HMG20A: variants seen among roughly 807,000 people sequenced by gnomAD.
HMG20A encodes the protein high mobility group protein 20A.
In HMG20A, 17 loss-of-function variants were observed where a neutral mutation model predicts 43.9. The ratio of observed to expected loss-of-function variants is 0.39; its 90% CI spans 0.27 to 0.58. The LOEUF is 0.58. Ranked by LOEUF, HMG20A falls within the 20% of genes least tolerant of loss-of-function variation. The pLI is 0.59. For missense variants in HMG20A, 341 were observed against 438.2 expected, an observed-to-expected ratio of 0.78 and a Z score of 1.98; for synonymous variants, 132 against 147.5, an observed-to-expected ratio of 0.89 and a Z score of 0.76.
chr15:77,425,199 T>G (rs2073413956), intron 1 of HMG20A, among the ~76,000 whole-genome samples: 1 of 152,226 alleles, frequency 6.6e-6, no homozygotes. Flanking sequence ...TTACAGCACT[T>G]ACTGTCCAGT....
At chr15:77,473,225 A>G (rs1283321361) in intron 6 of HMG20A, among the ~76,000 whole-genome samples, 1 of 152,264 alleles carries the variant, frequency 6.6e-6, no homozygotes. Context: ...ATGTAATTAT[A>G]TATGACATTC....
the HMG20A span, among the ~76,000 whole-genome samples, chr15:77,502,998 T>C: frequency 6.6e-6 from 1 of 152,048 alleles, no homozygotes; most frequent in East Asian, 1.9e-4. Context: ...AACAAAAAAA[T>C]CAGTGTTGAT....
the HMG20A span, among the ~76,000 whole-genome samples, chr15:77,510,496 G>T: frequency 6.6e-6 from 1 of 152,180 alleles, no homozygotes; most frequent in Non-Finnish European, 1.5e-5. Context: ...GGGAGAGGAA[G>T]CTGTACTCAG....
the HMG20A span, among the ~76,000 whole-genome samples, chr15:77,520,004 T>C: frequency 6.6e-6 from 1 of 152,058 alleles, no homozygotes; most frequent in Non-Finnish European, 1.5e-5. Flanking sequence ...ATTGAGATCA[T>C]CCTGGCTAAC....
At chr15:77,449,401 G>A (rs1440543506) in intron 1 of HMG20A, among the ~76,000 whole-genome samples, 1 of 152,132 alleles carries the variant, frequency 6.6e-6, no homozygotes, top group Admixed American at 6.5e-5. Context: ...GGATTAGCCA[G>A]TGTTCTCATT....
At chr15:77,430,236 A>G (rs1035492119) in intron 1 of HMG20A, among the ~76,000 whole-genome samples, 6 of 152,244 alleles carry the variant, frequency 3.9e-5, no homozygotes, top group African/African-American at 1.4e-4. Flanking sequence ...TTCATTTTAC[A>G]TGAAAGAAAA....
chr15:77,481,275 A>C (rs2072904164), intron 9 of HMG20A, among the ~76,000 whole-genome samples: 1 of 152,180 alleles, frequency 6.6e-6, no homozygotes, highest in African/African-American at 2.4e-5. Flanking sequence ...TACTTCTTAG[A>C]GATGGCTGGA....
In HMG20A at chr15:77,446,806, C is replaced by CAA. The variant is rs77491209; in HGVS notation, c.-4-11583_-4-11582dup. ...TGGGTGACAGAGCGAGACTCCGTCT[C>CAA]AAAAAAAAAAAAAAAAGAGTATACA... On this transcript the variant is annotated intron_variant, in intron 1 of 9. Transcript: ENST00000336216. Among the ~76,000 whole-genome samples the CAA allele has an allele frequency of 7.2e-3, 540 of 74,750 alleles. 5 individuals are homozygous for CAA. The highest frequency in any genetic ancestry group is 0.023 in the African/African-American group (507 of 21,686). The allele number at this position is 74,750 out of a possible 152,430, so 49.0% of individuals were successfully genotyped here. A position where few individuals can be genotyped will look rare whatever the true frequency, so the allele number is the denominator to read the frequency against.
At chr15:77,440,264 C>T (rs2073597042) in intron 1 of HMG20A, among the ~76,000 whole-genome samples, 1 of 152,078 alleles carries the variant, frequency 6.6e-6, no homozygotes, top group Non-Finnish European at 1.5e-5. Context: ...AGCCTAAGAT[C>T]ATGAAGACAT....
chr15:77,430,230 T>C (rs1051646191), intron 1 of HMG20A, among the ~76,000 whole-genome samples: 1 of 152,244 alleles, frequency 6.6e-6, no homozygotes, highest in Non-Finnish European at 1.5e-5. Flanking sequence ...TTAACGTTCA[T>C]TTTACATGAA....
the HMG20A span, among the ~76,000 whole-genome samples, chr15:77,513,765 C>T: frequency 8.0e-5 from 12 of 149,764 alleles, no homozygotes; most frequent in Non-Finnish European, 1.2e-4. Context: ...CTCGCTCTGT[C>T]GCCAGGCTGG....
At chr15:77,499,816 C>A in the HMG20A span, among the ~76,000 whole-genome samples, 1 of 150,946 alleles carries the variant, frequency 6.6e-6, no homozygotes, top group African/African-American at 2.4e-5. Flanking sequence ...ATTAGTCTTG[C>A]AAATATCTTT....
At chr15:77,446,664 G>A (rs567820952) in intron 1 of HMG20A, among the ~76,000 whole-genome samples, 20 of 152,172 alleles carry the variant, frequency 1.3e-4, no homozygotes, top group East Asian at 5.8e-4. Flanking sequence ...AAAATTAGCC[G>A]GGCATGGTGG....
chr15:77,449,621 A>T (rs2142309737), intron 1 of HMG20A, among the ~76,000 whole-genome samples: 1 of 152,272 alleles, frequency 6.6e-6, no homozygotes, highest in Admixed American at 6.5e-5. Flanking sequence ...CTAAATATAT[A>T]ATATGGCAAT....
At chr15:77,487,144 C>T (rs572053023), downstream of HMG20A, among the ~76,000 whole-genome samples, 2 of 152,176 alleles carry the variant, frequency 1.3e-5, no homozygotes, top group African/African-American at 4.8e-5. Flanking sequence ...AGTCAGGGCC[C>T]TCTAAAGAGT....
intron 1 of HMG20A, among the ~76,000 whole-genome samples, chr15:77,455,166 T>C (rs775402571): frequency 4.0e-5 from 6 of 151,544 alleles, no homozygotes; most frequent in Non-Finnish European, 7.4e-5. Context: ...CATAGTCACA[T>C]TGGTGTGATC....
At chr15:77,476,254 G>C (rs1187151375) in intron 6 of HMG20A, among the ~76,000 whole-genome samples, 2 of 152,146 alleles carry the variant, frequency 1.3e-5, no homozygotes, top group East Asian at 1.9e-4. Flanking sequence ...GGCCAAGGCA[G>C]GTGGATCACC....
At chr15:77,506,291 A>G in the HMG20A span, among the ~76,000 whole-genome samples, 4 of 152,076 alleles carry the variant, frequency 2.6e-5, no homozygotes, top group African/African-American at 7.2e-5. Flanking sequence ...AAGGTTTCAG[A>G]AGGTCACGGG....
chr15:77,457,603 T>A (rs1301809989), intron 1 of HMG20A, among the ~76,000 whole-genome samples: 1 of 152,232 alleles, frequency 6.6e-6, no homozygotes, highest in Non-Finnish European at 1.5e-5. Context: ...TCTTTGTCAC[T>A]TTGTCCTTTT....
Sources: allele counts gnomAD v4.1 joint callset (sites outside exome capture counted in the v4.1 genomes callset), GRCh38; gene constraint gnomAD v4.1.1; transcripts MANE v1.5; gene names NCBI Gene and HGNC (gene_info 2026-07-23, HGNC 2026-07-21).